Variants in FARS2 observed in about 807,000 individuals in gnomAD.
FARS2 encodes phenylalanine--tRNA ligase, mitochondrial.
Under a neutral mutation model 46.4 loss-of-function variants are expected in FARS2, and 40 were observed. The ratio of observed to expected loss-of-function variants is 0.86; its 90% CI spans 0.67 to 1.12. FARS2 has a LOEUF of 1.12. FARS2 is among the 50% of genes most tolerant of loss of function. The pLI, the probability that FARS2 is intolerant of heterozygous loss-of-function variation, is 0.00. For synonymous variants in FARS2, 234 were observed against 214.9 expected (o/e 1.09, Z -0.78); for missense variants, 513 against 567.9 (o/e 0.90, Z 0.98).
rs114681453 is a variant in FARS2 at position 5,282,531 on chromosome 6, A to C, written c.-22+20871A>C. On this transcript the variant is annotated intron_variant, in intron 1 of 6. Coordinates refer to ENST00000274680, the MANE Select transcript of FARS2 (RefSeq NM_006567.5). ...CATTCCTGATAAAGGAGGCCACCGG[A>C]GTTGAGGGTTAGTGGTAGGGAAAAA... is the stretch of plus-strand genomic sequence containing the variant. Among the ~76,000 whole-genome samples, 319 of 152,078 alleles carry C rather than the reference A, an allele frequency of 2.1e-3. 2 individuals are homozygous for C. Among genetic ancestry groups the C allele is most frequent in the African/African-American group, 7.5e-3 (311 of 41,456 alleles).
intron 4 of FARS2, among the ~76,000 whole-genome samples, chr6:5,491,904 G>A (rs1767138613): frequency 6.9e-6 from 1 of 145,096 alleles, no homozygotes. Context: ...CGGTGCTATT[G>A]TAAAGATTTT....
chr6:5,640,261 T>A (rs1195932833), intron 6 of FARS2, among the ~76,000 whole-genome samples: 1 of 152,312 alleles, frequency 6.6e-6, no homozygotes. Flanking sequence ...TCCCGTATTA[T>A]GTACTGGTAC....
At chr6:5,697,485 A>G (rs1370062423) in intron 6 of FARS2, among the ~76,000 whole-genome samples, 1 of 152,220 alleles carries the variant, frequency 6.6e-6, no homozygotes, top group Non-Finnish European at 1.5e-5. Flanking sequence ...CAAAGAAAAA[A>G]TTGGGCTCTA....
intron 1 of FARS2, among the ~76,000 whole-genome samples, chr6:5,268,385 G>A (rs1411087725): frequency 3.3e-5 from 5 of 152,144 alleles, no homozygotes; most frequent in Non-Finnish European, 7.3e-5. Flanking sequence ...TTTTGTATAA[G>A]GTGTAAGGAA....
intron 6 of FARS2, among the ~76,000 whole-genome samples, chr6:5,700,126 A>G (rs944483659): frequency 8.5e-5 from 13 of 152,334 alleles, no homozygotes; most frequent in African/African-American, 2.9e-4. Context: ...GGATGACTGC[A>G]TCTAAATTTT....
At chr6:5,642,988 G>A (rs955123356) in intron 6 of FARS2, among the ~76,000 whole-genome samples, 49 of 152,254 alleles carry the variant, frequency 3.2e-4, no homozygotes, top group Admixed American at 3.1e-3. Context: ...ACATCTGGAC[G>A]TGAACACAGC....
At chr6:5,357,724 A>G (rs1349244212) in intron 1 of FARS2, among the ~76,000 whole-genome samples, 1 of 152,212 alleles carries the variant, frequency 6.6e-6, no homozygotes, top group Non-Finnish European at 1.5e-5. Context: ...GGCAATGGAA[A>G]TAGCAGGGGT....
chr6:5,646,730 A>G (rs1422112576), intron 6 of FARS2, among the ~76,000 whole-genome samples: 1 of 152,218 alleles, frequency 6.6e-6, no homozygotes, highest in African/African-American at 2.4e-5. Flanking sequence ...GGGATTATTT[A>G]TAATACCTAA....
chr6:5,327,176 AAAG>A (rs1770453250), intron 1 of FARS2, among the ~76,000 whole-genome samples: 1 of 152,230 alleles, frequency 6.6e-6, no homozygotes, highest in African/African-American at 2.4e-5. Flanking sequence ...AAAGGAAGGA[AAAG>A]AAATTAACAT....
chr6:5,761,183 A>G lies in FARS2; in HGVS notation c.1218-10108A>G, dbSNP rs566678844. On this transcript the variant is annotated intron_variant, in intron 6 of 6. Transcript: ENST00000274680. Reference sequence around the variant, plus strand: ...TCCTCTGCCAGTCTACTGACTTCCAAGTTGTCTATGGTCCATGCCATTTAT... The same window carrying G: ...TCCTCTGCCAGTCTACTGACTTCCAGGTTGTCTATGGTCCATGCCATTTAT... Among the ~76,000 whole-genome samples the G allele has an allele frequency of 1.1e-4, 16 of 152,296 alleles. 1 individual carries two copies. The South Asian group carries it at 3.3e-3, about 32-fold the overall frequency.
chr6:5,355,734 C>T (rs1000331584), intron 1 of FARS2, among the ~76,000 whole-genome samples: 5 of 152,130 alleles, frequency 3.3e-5, no homozygotes, highest in African/African-American at 1.2e-4. Flanking sequence ...CACACATGCA[C>T]ACACACGGTA....
intron 4 of FARS2, among the ~76,000 whole-genome samples, chr6:5,436,292 T>C (rs1763518074): frequency 6.6e-6 from 1 of 152,224 alleles, no homozygotes; most frequent in African/African-American, 2.4e-5. Context: ...TATATCAGCA[T>C]GAATCTATTT....
At chr6:5,456,237 T>G (rs973979041) in intron 4 of FARS2, among the ~76,000 whole-genome samples, 1 of 139,562 alleles carries the variant, frequency 7.2e-6, no homozygotes, top group Non-Finnish European at 1.6e-5. Context: ...AAGCAAAAAA[T>G]AAACAAATAT....
chr6:5,374,971 C>A (rs1294937252), intron 2 of FARS2, among the ~76,000 whole-genome samples: 1 of 152,052 alleles, frequency 6.6e-6, no homozygotes. Flanking sequence ...GAAGCTCTTA[C>A]AGCAAACATA....
intron 4 of FARS2, among the ~76,000 whole-genome samples, chr6:5,470,949 A>G (rs942880150): frequency 3.3e-5 from 5 of 152,214 alleles, no homozygotes; most frequent in Non-Finnish European, 7.3e-5. Context: ...AGTACCTTTG[A>G]ATAGTCTTGG....
intron 1 of FARS2, among the ~76,000 whole-genome samples, chr6:5,336,782 C>T (rs75013760): frequency 0.011 from 1,746 of 152,154 alleles, 31 homozygotes; most frequent in African/African-American, 0.04. Flanking sequence ...AAAATATATG[C>T]GTGTGTTTCC....
chr6:5,372,446 T>G (rs1259591404), intron 2 of FARS2, among the ~76,000 whole-genome samples: 4 of 152,114 alleles, frequency 2.6e-5, no homozygotes, highest in Non-Finnish European at 5.9e-5. Context: ...CATATGGATT[T>G]CTAAAAATTA....
At chr6:5,636,003 A>G (rs115503602) in intron 6 of FARS2, among the ~76,000 whole-genome samples, 2,152 of 152,344 alleles carry the variant, frequency 0.014, 20 homozygotes, top group Non-Finnish European at 0.022. Context: ...ATAAGCTACT[A>G]GACATCTGTT....
At chr6:5,365,140 T>C (rs1020362015) in intron 1 of FARS2, among the ~76,000 whole-genome samples, 6 of 151,846 alleles carry the variant, frequency 4.0e-5, no homozygotes. Context: ...ACTTATTTCA[T>C]TTTTACTATC....
Sources: gnomAD v4.1 joint callset for allele counts (sites outside exome capture counted in the v4.1 genomes callset) on GRCh38, gnomAD v4.1.1 for gene constraint, MANE v1.5 for transcripts, NCBI Gene and HGNC (gene_info 2026-07-23, HGNC 2026-07-21) for gene names.